The following PHIP variants were observed in gnomAD, a reference collection of about 807,000 sequenced individuals.
The protein encoded by PHIP is PH-interacting protein.
A neutral mutation model predicts 236.8 loss-of-function variants in PHIP; 54 were observed. The observed-to-expected ratio is 0.23, with a 90% CI of 0.18 to 0.29. The LOEUF (loss-of-function observed/expected upper bound fraction) is 0.29, where lower values mean the gene tolerates loss of function less well. Ranked by LOEUF, PHIP falls within the 10% of genes least tolerant of loss-of-function variation. The pLI is 1.00. For synonymous variants in PHIP, 756 were observed against 718.9 expected (o/e 1.05, Z -0.83); for missense variants, 1,370 against 2,190.8 (o/e 0.63, Z 7.48).
At chr6:79,063,461 G>C (rs1208603406) in intron 4 of PHIP, among the ~76,000 whole-genome samples, 1 of 152,170 alleles carries the variant, frequency 6.6e-6, no homozygotes, top group East Asian at 1.9e-4. Flanking sequence ...CTGTCACCCA[G>C]GACGGAGTAC....
At chr6:79,076,466 AG>A (rs1774167233) in intron 4 of PHIP, among the ~76,000 whole-genome samples, 1 of 152,230 alleles carries the variant, frequency 6.6e-6, no homozygotes, top group Non-Finnish European at 1.5e-5. Flanking sequence ...GTATCAGTTT[AG>A]GAGAAAGTGT....
At chr6:78,943,990 T>TA (rs558983037) in intron 39 of PHIP, among the ~76,000 whole-genome samples, 11,328 of 78,202 alleles carry the variant, frequency 0.14, 857 homozygotes, top group Middle Eastern at 0.21. Flanking sequence ...TGTCTTTTTT[T>TA]AAAAAAAAAA....
chr6:78,953,158 G>A (rs952733037), intron 35 of PHIP, among the ~76,000 whole-genome samples: 7 of 151,790 alleles, frequency 4.6e-5, no homozygotes, highest in Non-Finnish European at 8.8e-5. Context: ...TGTAAGTTTA[G>A]GAAAATTTCT....
chr6:79,042,114 A>G (rs923998137), intron 7 of PHIP, among the ~76,000 whole-genome samples: 4 of 152,058 alleles, frequency 2.6e-5, no homozygotes, highest in Non-Finnish European at 5.9e-5. Context: ...GTAGTGTTTA[A>G]TAATAAATAT....
rs752549165 is a variant in PHIP, at chr6:79,007,180, T to G, written c.1525-3322A>C. 2.6e-5 allele frequency among the ~76,000 whole-genome samples: 4 copies of G among 152,070 alleles called. 1 individual carries two copies. The South Asian group carries it at 6.2e-4, about 24-fold the overall frequency. ...AAAACTTATGAGCTAAGAGCTCTGATGAGGACTCATTAAGGAAAGAATACT... is the reference window on the plus strand; with the variant it reads ...AAAACTTATGAGCTAAGAGCTCTGAGGAGGACTCATTAAGGAAAGAATACT... On this transcript the variant is annotated intron_variant, in intron 15 of 39. Transcript: ENST00000275034.
Position 78,935,410 on chromosome 6 carries a change from ATT to A in PHIP, c.*5281_*5282del, listed in dbSNP as rs549126071. On this transcript the variant is annotated 3_prime_UTR_variant, in exon 40 of 40. Coordinates refer to ENST00000275034, the MANE Select transcript of PHIP (RefSeq NM_017934.7). ...TAAAAATGCATGCCAATCTGACAAA[ATT>A]TCTAGGAAAACTGCAATAACCTTCT... The A allele has an allele frequency of 2.4e-4, 182 of 758,686 alleles. 1 individual carries two copies. The South Asian group carries it at 5.9e-3, about 25-fold the overall frequency. The allele number at this position is 758,686 out of a possible 1,614,324, so 47.0% of individuals were successfully genotyped here.
intron 19 of PHIP, among the ~76,000 whole-genome samples, chr6:78,994,621 G>T (rs1257267720): frequency 6.6e-6 from 1 of 152,010 alleles, no homozygotes; most frequent in Non-Finnish European, 1.5e-5. Flanking sequence ...TAAAGCAATG[G>T]CAGGGTTTGA....
intron 31 of PHIP, among the ~76,000 whole-genome samples, chr6:78,959,870 T>C (rs865861525): frequency 6.6e-6 from 1 of 152,146 alleles, no homozygotes; most frequent in Admixed American, 6.6e-5. Context: ...AAGTCAAAAA[T>C]GCATGCGATA....
chr6:78,995,186 T>A (rs993781688), intron 19 of PHIP, among the ~76,000 whole-genome samples: 1 of 152,230 alleles, frequency 6.6e-6, no homozygotes, highest in African/African-American at 2.4e-5. Context: ...TTCATACCCA[T>A]TGTATCAATA....
chr6:79,010,057 A>G (rs1282146903), intron 15 of PHIP, among the ~76,000 whole-genome samples: 1 of 148,584 alleles, frequency 6.7e-6, no homozygotes, highest in Non-Finnish European at 1.5e-5. Flanking sequence ...GATGATAGGA[A>G]GAAAGAAGGA....
At position 78,969,935 on chromosome 6, in the gene PHIP, C is replaced by G. The variant is rs1466445337; in HGVS notation, c.3123-18G>C. The G allele has an allele frequency of 6.3e-7, 1 of 1,574,814 alleles. No homozygotes were observed. The highest frequency in any genetic ancestry group is 8.7e-7 in the Non-Finnish European group (1 of 1,152,308). On this transcript the variant is annotated intron_variant, in intron 26 of 39. Transcript: ENST00000275034. ...CATGGTATCTAATTACAAACAGAAA[C>G]AAATTGATTAGGTCACATACCTAAA...
At chr6:78,955,539 C>T (rs1766360567) in intron 33 of PHIP, 74 bp downstream of exon 33, 6 of 584,344 alleles carry the variant, frequency 1.0e-5, no homozygotes, top group Admixed American at 3.5e-5. Context: ...ACAGCTTTTA[C>T]CTGAAAACTA....
intron 23 of PHIP, among the ~76,000 whole-genome samples, chr6:78,982,081 T>C (rs939824984): frequency 6.6e-6 from 1 of 151,972 alleles, no homozygotes; most frequent in African/African-American, 2.4e-5. Context: ...AAACGACAAT[T>C]TATACTTAAA....
In PHIP at chr6:79,078,230, AAAC is replaced by A. The variant is rs941182610; in HGVS notation, c.-165_-163del. 4.7e-6 allele frequency: 3 copies of A among 641,304 alleles called. No individual in the cohort carries two copies. Among genetic ancestry groups the A allele is most frequent in the African/African-American group, 1.9e-5 (1 of 52,654 alleles). 39.7% of individuals were successfully genotyped at this position (641,304 alleles called of 1,614,324 possible). ...GCGGAGGCGGAGGAGGAGGAGGAGGAAACAACAACTCTCAGGCAGCGACTACGG... is the reference window on the plus strand; with the variant it reads ...GCGGAGGCGGAGGAGGAGGAGGAGGAAACAACTCTCAGGCAGCGACTACGG... On this transcript the variant is annotated 5_prime_UTR_variant, in exon 1 of 40. Coordinates refer to ENST00000275034, the MANE Select transcript of PHIP (RefSeq NM_017934.7).
intron 35 of PHIP, among the ~76,000 whole-genome samples, chr6:78,949,039 G>C (rs990387982): frequency 5.9e-5 from 9 of 152,112 alleles, no homozygotes; most frequent in Admixed American, 3.3e-4. Flanking sequence ...GCAGTGGTGA[G>C]AGTGAACATT....
intron 4 of PHIP, chr6:79,067,678 AC>A (rs1215274270): frequency 6.6e-6 from 1 of 152,406 alleles, no homozygotes; most frequent in Non-Finnish European, 1.5e-5. Flanking sequence ...TTAGTTTACC[AC>A]CCCCTGATCG....
At chr6:79,021,548 A>G (rs1204751598) in intron 9 of PHIP, among the ~76,000 whole-genome samples, 1 of 152,276 alleles carries the variant, frequency 6.6e-6, no homozygotes, top group African/African-American at 2.4e-5. Context: ...TCAGCCATAA[A>G]AAAAGAATGA....
At position 79,078,109 on chromosome 6, in the gene PHIP, CG is replaced by C. The variant is rs1774286700; in HGVS notation, c.-42del. Reference sequence around the variant, plus strand: ...CAGGGCCGCCGACGGGACACCCCGCCGCCGAGGGGAAGCGGGGACGGTGCCG... The same window carrying C: ...CAGGGCCGCCGACGGGACACCCCGCCCCGAGGGGAAGCGGGGACGGTGCCG... On this transcript the variant is annotated 5_prime_UTR_variant, in exon 1 of 40. Coordinates refer to ENST00000275034, the MANE Select transcript of PHIP (RefSeq NM_017934.7). 1 of 1,601,376 alleles carries C rather than the reference CG, an allele frequency of 6.2e-7. No homozygotes were observed. The highest frequency in any genetic ancestry group is 8.5e-7 in the Non-Finnish European group (1 of 1,174,052).
intron 6 of PHIP, 107 bp from the exon 7 acceptor site, chr6:79,043,110 AAAG>A (rs1424123892): frequency 9.3e-6 from 8 of 860,002 alleles, no homozygotes; most frequent in South Asian, 1.5e-5. Flanking sequence ...AGGTAAAAAT[AAAG>A]AAGCTTTCTG....
Sources: allele counts gnomAD v4.1 joint callset (sites outside exome capture counted in the v4.1 genomes callset), GRCh38; gene constraint gnomAD v4.1.1; transcripts MANE v1.5; gene names NCBI Gene and HGNC (gene_info 2026-07-23, HGNC 2026-07-21).